Variants in ANKDD1B observed in about 807,000 individuals in gnomAD.
The protein encoded by ANKDD1B is ankyrin repeat and death domain-containing protein 1B.
A neutral mutation model predicts 59.7 loss-of-function variants in ANKDD1B; 57 were observed. The ratio of observed to expected loss-of-function variants is 0.95; its 90% CI spans 0.77 to 1.19. The LOEUF is 1.19. Among genes scored for constraint, ANKDD1B ranks in the 50% most tolerant of loss-of-function variants. ANKDD1B has a pLI of 0.00. For synonymous variants in ANKDD1B, 216 were observed against 239.5 expected (o/e 0.90, Z 0.91); for missense variants, 602 against 641.9 (o/e 0.94, Z 0.67).
chr5:75,654,168 G>A (rs1198402731), intron 8 of ANKDD1B, among the ~76,000 whole-genome samples: 2 of 152,170 alleles, frequency 1.3e-5, no homozygotes, highest in Non-Finnish European at 2.9e-5. Flanking sequence ...TTACTCAGCT[G>A]TGGTCTTCTA....
At chr5:75,635,061 G>A (rs1774263395) in intron 6 of ANKDD1B, 65 bp downstream of exon 6, 3 of 1,030,646 alleles carry the variant, frequency 2.9e-6, no homozygotes, top group Admixed American at 4.3e-5. Flanking sequence ...GATGTAGAGG[G>A]GTAACAATTG....
intron 7 of ANKDD1B, among the ~76,000 whole-genome samples, chr5:75,642,489 C>T (rs1212332876): frequency 3.6e-5 from 5 of 137,736 alleles, no homozygotes; most frequent in African/African-American, 5.5e-5. Flanking sequence ...GGGTGACGGA[C>T]GCACCTGGAA....
Position 75,616,926 on chromosome 5 carries a change from T to C in ANKDD1B, c.297+19T>C. 8.1e-7 allele frequency: 1 copy of C among 1,228,022 alleles called. No homozygotes were observed. The highest frequency in any genetic ancestry group is 1.1e-6 in the Non-Finnish European group (1 of 876,420). The allele number at this position is 1,228,022 out of a possible 1,614,324, so 76.1% of individuals were successfully genotyped here. A position where few individuals can be genotyped will look rare whatever the true frequency, so the allele number is the denominator to read the frequency against. ...GAACAATGTGAGTAGAAGTCATAAA[T>C]ATGACAAGTGACTTCTCCAGTAATG... On this transcript the variant is annotated intron_variant, in intron 2 of 13. Transcript: ENST00000601380.
At chr5:75,649,660 G>A (rs1484865822) in intron 7 of ANKDD1B, among the ~76,000 whole-genome samples, 2 of 152,242 alleles carry the variant, frequency 1.3e-5, no homozygotes, top group East Asian at 3.9e-4. Context: ...GGGCACTTCT[G>A]ACCATTCTGA....
At chr5:75,650,531 A>G (rs533649334) in intron 7 of ANKDD1B, among the ~76,000 whole-genome samples, 1 of 152,332 alleles carries the variant, frequency 6.6e-6, no homozygotes, top group South Asian at 2.1e-4. Context: ...CTATAAAATA[A>G]AACATTTTTA....
intron 10 of ANKDD1B, among the ~76,000 whole-genome samples, chr5:75,660,982 A>T (rs890810090): frequency 1.3e-5 from 2 of 152,152 alleles, no homozygotes; most frequent in African/African-American, 4.8e-5. Flanking sequence ...ACCCTACTCT[A>T]GTTCAGAATC....
At chr5:75,661,396 G>GAAAAAAAA (rs11357068) in intron 10 of ANKDD1B, among the ~76,000 whole-genome samples, 3 of 36,840 alleles carry the variant, frequency 8.1e-5, no homozygotes, top group East Asian at 1.2e-3. Context: ...AACTCCGTCT[G>GAAAAAAAA]AAAAAAAAAA....
At chr5:75,636,436 G>A (rs1300288488) in intron 7 of ANKDD1B, among the ~76,000 whole-genome samples, 3 of 152,128 alleles carry the variant, frequency 2.0e-5, no homozygotes, top group Admixed American at 2.0e-4. Flanking sequence ...CAGAAATTGA[G>A]GATAGGAGTG....
At chr5:75,636,783 C>T (rs1278798101) in intron 7 of ANKDD1B, among the ~76,000 whole-genome samples, 9 of 151,984 alleles carry the variant, frequency 5.9e-5, no homozygotes, top group Non-Finnish European at 1.3e-4. Flanking sequence ...GGACTTGTGA[C>T]CAGGACTTGG....
At chr5:75,612,343 C>CCCGCCCT (rs1554066261) in intron 1 of ANKDD1B, among the ~76,000 whole-genome samples, 9 of 113,068 alleles carry the variant, frequency 8.0e-5, no homozygotes, top group African/African-American at 3.4e-4. Context: ...CCGCCCCGCC[C>CCCGCCCT]CCGCCCTCCG....
chr5:75,636,179 T>C (rs975175669), intron 7 of ANKDD1B, among the ~76,000 whole-genome samples: 5 of 152,216 alleles, frequency 3.3e-5, no homozygotes, highest in Admixed American at 6.5e-5. Flanking sequence ...AAACAAATAA[T>C]GTATTGGGCT....
intron 5 of ANKDD1B, among the ~76,000 whole-genome samples, chr5:75,633,818 T>C (rs1774228064): frequency 6.6e-6 from 1 of 152,178 alleles, no homozygotes; most frequent in Non-Finnish European, 1.5e-5. Flanking sequence ...GATGTTTGTG[T>C]CATGAGGGTG....
At chr5:75,654,240 C>T (rs937920370) in intron 8 of ANKDD1B, among the ~76,000 whole-genome samples, 1 of 152,156 alleles carries the variant, frequency 6.6e-6, no homozygotes, top group African/African-American at 2.4e-5. Flanking sequence ...TCACTGTGGT[C>T]TCTCTTCCAT....
At chr5:75,625,997 T>C (rs1345510246) in intron 5 of ANKDD1B, 42 bp downstream of exon 5, 1 of 1,380,734 alleles carries the variant, frequency 7.2e-7, no homozygotes, top group Admixed American at 2.0e-5. Flanking sequence ...TACACCCCTA[T>C]CAAATTTCAC....
At chr5:75,624,462 T>C (rs1241829523) in intron 3 of ANKDD1B, among the ~76,000 whole-genome samples, 3 of 152,156 alleles carry the variant, frequency 2.0e-5, no homozygotes, top group African/African-American at 7.2e-5. Flanking sequence ...TTCTCCTTAT[T>C]TGGTAGACAA....
At chr5:75,624,462 T>G (rs1241829523) in intron 3 of ANKDD1B, among the ~76,000 whole-genome samples, 1 of 152,156 alleles carries the variant, frequency 6.6e-6, no homozygotes, top group African/African-American at 2.4e-5. Flanking sequence ...TTCTCCTTAT[T>G]TGGTAGACAA....
intron 8 of ANKDD1B, 34 bp from the exon 9 acceptor site, chr5:75,655,995 C>G: frequency 1.0e-6 from 1 of 998,964 alleles, no homozygotes; most frequent in Non-Finnish European, 1.5e-6. Context: ...AAGCCAGAAC[C>G]TTCTGGATTT....
At chr5:75,653,486 G>A (rs751141168) in intron 8 of ANKDD1B, among the ~76,000 whole-genome samples, 2 of 152,170 alleles carry the variant, frequency 1.3e-5, no homozygotes, top group South Asian at 4.1e-4. Flanking sequence ...TTAAATATTT[G>A]TATTTGCCGC....
intron 1 of ANKDD1B, 49 bp downstream of exon 1, chr5:75,611,876 G>A (rs1321236961): frequency 8.2e-7 from 1 of 1,223,072 alleles, no homozygotes; most frequent in Non-Finnish European, 1.0e-6. Flanking sequence ...GGGCGGGCTG[G>A]GTCGAAGGGA....
Sources: gnomAD v4.1 joint callset for allele counts (sites outside exome capture counted in the v4.1 genomes callset) on GRCh38, gnomAD v4.1.1 for gene constraint, MANE v1.5 for transcripts, NCBI Gene and HGNC (gene_info 2026-07-23, HGNC 2026-07-21) for gene names.